GALNT14: variants seen among roughly 807,000 people sequenced by gnomAD.
The protein encoded by GALNT14 is UDP-GalNAc:polypeptide N-acetylgalactosaminyltransferase 14.
Under a neutral mutation model 77.5 loss-of-function variants are expected in GALNT14, and 60 were observed. The ratio of observed to expected loss-of-function variants is 0.77; its 90% confidence interval spans 0.63 to 0.96. The LOEUF (loss-of-function observed/expected upper bound fraction) is 0.96, where lower values mean the gene tolerates loss of function less well. Among genes scored for constraint, GALNT14 ranks in the 40% least tolerant of loss-of-function variants. GALNT14 has a pLI of 0.00. For synonymous variants in GALNT14, 280 were observed against 281.7 expected, an observed-to-expected ratio of 0.99 and a Z score of 0.06; for missense variants, 710 against 731.0, an observed-to-expected ratio of 0.97 and a Z score of 0.33.
chr2:30,890,642 A>G, the GALNT14 span, among the ~76,000 whole-genome samples: 1 of 152,200 alleles, frequency 6.6e-6, no homozygotes, highest in Non-Finnish European at 1.5e-5. Context: ...ATATACAAAG[A>G]TGCTCTCCCA....
intron 1 of GALNT14, among the ~76,000 whole-genome samples, chr2:31,114,578 G>A (rs778011743): frequency 7.9e-5 from 12 of 152,072 alleles, no homozygotes; most frequent in Admixed American, 5.9e-4. Flanking sequence ...ATACACACAC[G>A]CACACACAAG....
At chr2:30,918,635 G>T (rs1179531382) in intron 13 of GALNT14, among the ~76,000 whole-genome samples, 1 of 149,400 alleles carries the variant, frequency 6.7e-6, no homozygotes, top group African/African-American at 2.4e-5. Context: ...GGGCAGGGAG[G>T]GTGGCATTGG....
intron 1 of GALNT14, among the ~76,000 whole-genome samples, chr2:31,062,937 A>T (rs1674696498): frequency 1.3e-5 from 2 of 152,090 alleles, no homozygotes; most frequent in Non-Finnish European, 2.9e-5. Context: ...AAATTTGCTT[A>T]CGTTCCTTGT....
intron 2 of GALNT14, among the ~76,000 whole-genome samples, chr2:30,977,613 T>C (rs1014122665): frequency 6.6e-6 from 1 of 152,148 alleles, no homozygotes; most frequent in Non-Finnish European, 1.5e-5. Flanking sequence ...GCAACAGCTA[T>C]AAGGAGCAAA....
At chr2:30,950,350 G>C (rs1310342222) in intron 6 of GALNT14, among the ~76,000 whole-genome samples, 1 of 152,088 alleles carries the variant, frequency 6.6e-6, no homozygotes, top group Non-Finnish European at 1.5e-5. Flanking sequence ...AAGGAAAATT[G>C]GGGAGGTTTT....
intron 1 of GALNT14, among the ~76,000 whole-genome samples, chr2:31,079,573 G>A (rs1363481181): frequency 6.6e-6 from 1 of 152,176 alleles, no homozygotes; most frequent in Non-Finnish European, 1.5e-5. Context: ...AAGTGGTTAT[G>A]ATTCTCCTGC....
At chr2:31,112,635 T>C (rs1057162984) in intron 1 of GALNT14, among the ~76,000 whole-genome samples, 3 of 152,188 alleles carry the variant, frequency 2.0e-5, no homozygotes, top group Non-Finnish European at 4.4e-5. Context: ...GATGATAACA[T>C]CTTGGCCAAC....
intron 1 of GALNT14, among the ~76,000 whole-genome samples, chr2:31,012,280 A>G (rs889743052): frequency 1.3e-5 from 2 of 152,136 alleles, no homozygotes; most frequent in Non-Finnish European, 2.9e-5. Context: ...CCTGGTTCCC[A>G]CACACTGGCA....
intron 1 of GALNT14, among the ~76,000 whole-genome samples, chr2:31,064,882 T>C (rs1674836875): frequency 1.3e-5 from 2 of 152,048 alleles, no homozygotes; most frequent in African/African-American, 2.4e-5. Flanking sequence ...ATTGTCTGTA[T>C]TGATCTCCAG....
intron 1 of GALNT14, among the ~76,000 whole-genome samples, chr2:31,123,336 A>C (rs1383936080): frequency 6.6e-6 from 1 of 152,132 alleles, no homozygotes; most frequent in Non-Finnish European, 1.5e-5. Context: ...AGGCCATACA[A>C]AAACAGTGGA....
chr2:31,107,549 G>A (rs986751063), intron 1 of GALNT14, among the ~76,000 whole-genome samples: 2 of 152,162 alleles, frequency 1.3e-5, no homozygotes, highest in Non-Finnish European at 2.9e-5. Context: ...AGACTGTAAT[G>A]GTATCCAGGA....
chr2:30,894,784 G>A, the GALNT14 span, among the ~76,000 whole-genome samples: 76,433 of 151,968 alleles, frequency 0.5, 19,480 homozygotes, highest in East Asian at 0.58. Flanking sequence ...TCATCCCTCT[G>A]GACTCTTAGC....
intron 4 of GALNT14, among the ~76,000 whole-genome samples, chr2:30,957,278 A>G (rs1438534888): frequency 2.0e-5 from 3 of 152,184 alleles, no homozygotes; most frequent in African/African-American, 7.2e-5. Flanking sequence ...CTGTTTTATA[A>G]CAAGGAAACT....
At chr2:31,063,435 C>A (rs910893157) in intron 1 of GALNT14, among the ~76,000 whole-genome samples, 1 of 152,072 alleles carries the variant, frequency 6.6e-6, no homozygotes, top group African/African-American at 2.4e-5. Flanking sequence ...GTTTTGGTGC[C>A]GGTACCATGC....
intron 1 of GALNT14, among the ~76,000 whole-genome samples, chr2:31,046,251 G>A (rs562472031): frequency 8.2e-5 from 12 of 146,254 alleles, no homozygotes; most frequent in Admixed American, 8.2e-4. Flanking sequence ...TTTTGAGATG[G>A]AGTCTCGCTC....
chr2:30,981,129 C>T (rs988870495), intron 2 of GALNT14, among the ~76,000 whole-genome samples: 6 of 152,236 alleles, frequency 3.9e-5, no homozygotes, highest in Non-Finnish European at 8.8e-5. Context: ...CCAGGACCTT[C>T]GTCCCAGCAC....
intron 1 of GALNT14, among the ~76,000 whole-genome samples, chr2:31,116,149 A>C (rs1448639286): frequency 6.6e-6 from 1 of 152,222 alleles, no homozygotes; most frequent in Non-Finnish European, 1.5e-5. Flanking sequence ...CTGGAAAGAA[A>C]GATAACAGTC....
chr2:31,125,294 T>C, intron 1 of GALNT14: 1 of 1,408,420 alleles, frequency 7.1e-7, no homozygotes, highest in Non-Finnish European at 9.8e-7. Flanking sequence ...TGGTCATTTC[T>C]TTGGCAATTA....
chr2:30,972,280 C>G (rs1159739338), intron 2 of GALNT14, among the ~76,000 whole-genome samples: 1 of 152,188 alleles, frequency 6.6e-6, no homozygotes, highest in Non-Finnish European at 1.5e-5. Flanking sequence ...AGACGGGAGT[C>G]TGAAGACAGT....
Sources: allele counts gnomAD v4.1 joint callset (sites outside exome capture counted in the v4.1 genomes callset), GRCh38; gene constraint gnomAD v4.1.1; transcripts MANE v1.5; gene names NCBI Gene and HGNC (gene_info 2026-07-23, HGNC 2026-07-21).